ARHGEF38: variants seen among roughly 807,000 people sequenced by gnomAD.
ARHGEF38 encodes Rho guanine nucleotide exchange factor (GEF) 38.
Under a neutral mutation model 79.9 loss-of-function variants are expected in ARHGEF38, and 79 were observed. That is an observed-to-expected ratio of 0.99 (90% confidence interval 0.82 to 1.19). The LOEUF (loss-of-function observed/expected upper bound fraction) is 1.19, where lower values mean the gene tolerates loss of function less well. ARHGEF38 is among the 50% of genes most tolerant of loss of function. ARHGEF38 has a pLI of 0.00. For missense variants in ARHGEF38, 962 were observed against 907.2 expected (o/e 1.06, Z -0.78); for synonymous variants, 366 against 328.3 (o/e 1.11, Z -1.24).
chr4:105,672,067 A>G (rs1418716482), intron 13 of ARHGEF38, among the ~76,000 whole-genome samples: 1 of 152,056 alleles, frequency 6.6e-6, no homozygotes, highest in Admixed American at 6.6e-5. Context: ...GCAATTTCAA[A>G]CTTAGATTCT....
Position 105,678,023 on chromosome 4 carries a change from A to G in ARHGEF38, c.*86A>G. ...GACATTACAAAACTTTGGACCAGAA[A>G]GCAAGAAACCTCTGAACTACAGAAA... On this transcript the variant is annotated 3_prime_UTR_variant, in exon 14 of 14. Coordinates refer to ENST00000420470, the MANE Select transcript of ARHGEF38 (RefSeq NM_001242729.2). 1 of 1,204,452 alleles carries G rather than the reference A, an allele frequency of 8.3e-7. No individual in the cohort carries two copies. Among genetic ancestry groups the G allele is most frequent in the South Asian group, 1.7e-5 (1 of 57,408 alleles). 74.6% of individuals were successfully genotyped at this position (1,204,452 alleles called of 1,614,324 possible).
In ARHGEF38 at chr4:105,611,857, T is replaced by C. The variant is rs558032846; in HGVS notation, c.385-1527T>C. 9.2e-5 allele frequency among the ~76,000 whole-genome samples: 14 copies of C among 152,204 alleles called. No homozygotes were observed. The South Asian group carries it at 2.9e-3, about 32-fold the overall frequency. ...TTTTAAAAGTTGTCTAATCCTATAT[T>C]GAAATAAACCACTGCATATAATCAT... On this transcript the variant is annotated intron_variant, in intron 2 of 13. Transcript: ENST00000420470.
In ARHGEF38 at chr4:105,680,239, T is replaced by C. The variant is rs1298602021; in HGVS notation, c.*2302T>C. 2.4e-6 allele frequency: 1 copy of C among 419,588 alleles called. No homozygotes were observed. Among genetic ancestry groups the C allele is most frequent in the Non-Finnish European group, 4.5e-6 (1 of 224,216 alleles). 26.0% of individuals were successfully genotyped at this position (419,588 alleles called of 1,614,324 possible). ...CTTAAGTCACTAAAATCTGTAGTTA[T>C]ATAATCTTACATAAAGCATATGCAA... is the stretch of plus-strand genomic sequence containing the variant. On this transcript the variant is annotated 3_prime_UTR_variant, in exon 14 of 14. Coordinates refer to ENST00000420470, the MANE Select transcript of ARHGEF38 (RefSeq NM_001242729.2).
chr4:105,679,718 T>A lies in ARHGEF38; in HGVS notation c.*1781T>A, dbSNP rs1325896965. 2 of 814,648 alleles carry A rather than the reference T, an allele frequency of 2.5e-6. No homozygotes were observed. Among genetic ancestry groups the A allele is most frequent in the African/African-American group, 3.4e-5 (2 of 59,020 alleles). 50.5% of individuals were successfully genotyped at this position (814,648 alleles called of 1,614,324 possible). ...CCTACACATTTAAAAGTAATTTGTG[T>A]TTTTTGTTCCACATGTCTTAGTTGA... On this transcript the variant is annotated 3_prime_UTR_variant, in exon 14 of 14. Transcript: ENST00000420470.
chr4:105,605,217 A>C (rs945368095), intron 2 of ARHGEF38, among the ~76,000 whole-genome samples: 1 of 152,174 alleles, frequency 6.6e-6, no homozygotes, highest in Non-Finnish European at 1.5e-5. Context: ...TTACTCAAGG[A>C]TACCAATATA....
At chr4:105,589,160 T>A (rs1300462496) in intron 1 of ARHGEF38, 88 bp from the exon 2 acceptor site, 2 of 1,090,370 alleles carry the variant, frequency 1.8e-6, no homozygotes, top group Non-Finnish European at 2.6e-6. Context: ...TTTTCCTTGT[T>A]AACAAAGTCC....
At chr4:105,658,391 C>A (rs1560753191) in intron 9 of ARHGEF38, among the ~76,000 whole-genome samples, 2 of 152,020 alleles carry the variant, frequency 1.3e-5, no homozygotes, top group Non-Finnish European at 2.9e-5. Flanking sequence ...CAGAGTGAGA[C>A]CCTGTCTCAA....
intron 1 of ARHGEF38, among the ~76,000 whole-genome samples, chr4:105,569,420 G>C (rs72967278): frequency 0.034 from 5,228 of 152,176 alleles, 312 homozygotes; most frequent in African/African-American, 0.12. Flanking sequence ...TTTCCTGATA[G>C]ATGGTCAATC....
rs1290404277 is a variant in ARHGEF38 at position 105,568,213 on chromosome 4, T to C, written c.196+15252T>C. ...CAGACACTTCTCAAAAGAAGACATT[T>C]ATGCAGCCAAAAAACATATGAAAAA... On this transcript the variant is annotated intron_variant, in intron 1 of 13. Coordinates refer to ENST00000420470, the MANE Select transcript of ARHGEF38 (RefSeq NM_001242729.2). 7.2e-5 allele frequency among the ~76,000 whole-genome samples: 11 copies of C among 152,094 alleles called. No homozygotes were observed. The East Asian group carries it at 1.9e-3, about 27-fold the overall frequency.
chr4:105,673,221 G>C (rs998509418), intron 13 of ARHGEF38, among the ~76,000 whole-genome samples: 6 of 152,150 alleles, frequency 3.9e-5, no homozygotes, highest in African/African-American at 1.4e-4. Context: ...TGTACAATAG[G>C]GGGTGGGATT....
At chr4:105,661,717 C>T (rs1388295411) in intron 10 of ARHGEF38, among the ~76,000 whole-genome samples, 1 of 151,980 alleles carries the variant, frequency 6.6e-6, no homozygotes, top group East Asian at 1.9e-4. Context: ...AAGATATAAT[C>T]CCTTTCCAGT....
chr4:105,651,019 C>G (rs1474350325), intron 7 of ARHGEF38, among the ~76,000 whole-genome samples: 2 of 152,168 alleles, frequency 1.3e-5, no homozygotes, highest in African/African-American at 4.8e-5. Context: ...AAACAATTCC[C>G]CCCCCAAGTC....
intron 1 of ARHGEF38, among the ~76,000 whole-genome samples, chr4:105,565,467 G>C: frequency 6.6e-6 from 1 of 152,182 alleles, no homozygotes; most frequent in Middle Eastern, 3.2e-3. Context: ...TATTGGGGCA[G>C]ATATGAAATT....
At chr4:105,606,438 G>C (rs1228123846) in intron 2 of ARHGEF38, among the ~76,000 whole-genome samples, 1 of 152,012 alleles carries the variant, frequency 6.6e-6, no homozygotes, top group East Asian at 1.9e-4. Context: ...CAAAAATATA[G>C]TTCCAAATTG....
chr4:105,679,063 C>A lies in ARHGEF38; in HGVS notation c.*1126C>A. The stretch of plus-strand genomic sequence containing the variant: ...ACTATCAAATACTCAGTCAAAACTC[C>A]ATTTGTGGCCCCCACTTCTTGATCT... On this transcript the variant is annotated 3_prime_UTR_variant, in exon 14 of 14. Transcript: ENST00000420470. 2.1e-6 allele frequency: 1 copy of A among 475,936 alleles called. No homozygotes were observed. Among genetic ancestry groups the A allele is most frequent in the South Asian group, 4.2e-5 (1 of 23,872 alleles). 29.5% of individuals were successfully genotyped at this position (475,936 alleles called of 1,614,324 possible).
Position 105,552,706 on chromosome 4 carries a change from C to A in ARHGEF38, c.-60C>A. 1 of 1,426,336 alleles carries A rather than the reference C, an allele frequency of 7.0e-7. No homozygotes were observed. Among genetic ancestry groups the A allele is most frequent in the Non-Finnish European group, 9.6e-7 (1 of 1,042,990 alleles). 88.4% of individuals were successfully genotyped at this position (1,426,336 alleles called of 1,614,324 possible). The stretch of plus-strand genomic sequence containing the variant: ...CACTCTAGTAGCTTTAACCCTCACC[C>A]TGAGGCACCTTAGCAATCAGCCATT... On this transcript the variant is annotated 5_prime_UTR_variant, in exon 1 of 14. It adds an upstream start codon to the 5' untranslated region. Transcript: ENST00000420470.
chr4:105,670,443 G>T (rs184143093), intron 13 of ARHGEF38, among the ~76,000 whole-genome samples: 1 of 151,780 alleles, frequency 6.6e-6, no homozygotes, highest in Admixed American at 6.6e-5. Context: ...TTCCTTTGGT[G>T]AATGTCTATT....
intron 3 of ARHGEF38, among the ~76,000 whole-genome samples, chr4:105,625,391 A>G (rs1323595222): frequency 6.6e-6 from 1 of 152,226 alleles, no homozygotes; most frequent in Non-Finnish European, 1.5e-5. Flanking sequence ...ACAAAACATT[A>G]CTAGCATAAT....
At chr4:105,614,230 GT>G (rs1039609493) in intron 3 of ARHGEF38, among the ~76,000 whole-genome samples, 2 of 152,098 alleles carry the variant, frequency 1.3e-5, no homozygotes, top group African/African-American at 4.8e-5. Flanking sequence ...TAGGCTAAGA[GT>G]TTTTTAAAAT....
Sources: allele counts gnomAD v4.1 joint callset (sites outside exome capture counted in the v4.1 genomes callset), GRCh38; gene constraint gnomAD v4.1.1; transcripts MANE v1.5; gene names NCBI Gene and HGNC (gene_info 2026-07-23, HGNC 2026-07-21).